The following DDX11 variants were observed in gnomAD, a reference collection of about 807,000 sequenced individuals.
DDX11 encodes DEAD/H-box helicase 11, also known as ATP-dependent DNA helicase DDX11.
DDX11 carries 72 observed loss-of-function variants against 125.2 expected under a neutral mutation model. That is an observed-to-expected ratio of 0.58 (90% CI 0.48 to 0.70). The LOEUF (loss-of-function observed/expected upper bound fraction) is 0.70, where lower values mean the gene tolerates loss of function less well. Ranked by LOEUF, DDX11 falls within the 30% of genes least tolerant of loss-of-function variation. The pLI is 0.00. For missense variants in DDX11, 883 were observed against 1,165.0 expected (o/e 0.76, Z 3.52); for synonymous variants, 347 against 452.6 (o/e 0.77, Z 2.96).
chr12:31,079,676 G>A (rs1367124084), intron 2 of DDX11, among the ~76,000 whole-genome samples: 2 of 151,908 alleles, frequency 1.3e-5, no homozygotes, highest in Non-Finnish European at 2.9e-5. Context: ...TTGTTAAGAT[G>A]GGCAGTCTCA....
intron 2 of DDX11, among the ~76,000 whole-genome samples, chr12:31,079,772 A>C (rs1416360627): frequency 6.6e-6 from 1 of 152,194 alleles, no homozygotes; most frequent in East Asian, 1.9e-4. Context: ...ATCCAAGATT[A>C]CTGGTGCACA....
In DDX11 at chr12:31,073,929, G is replaced by T. The variant is rs1017501928; in HGVS notation, c.-167G>T. The T allele has an allele frequency of 6.6e-6, 1 of 152,250 alleles. No individual in the cohort carries two copies. The highest frequency in any genetic ancestry group is 2.4e-5 in the African/African-American group (1 of 41,464). 9.4% of individuals were successfully genotyped at this position (152,250 alleles called of 1,614,324 possible). On this transcript the variant is annotated 5_prime_UTR_variant, in exon 1 of 27. Transcript: ENST00000542838. ...CTCAGTGGCGTTTGCCCTGATTCCC[G>T]GGGCCTGGCTTTCAGCGTAGCAATT... is the stretch of plus-strand genomic sequence containing the variant.
chr12:31,092,437 CTG>C (rs1047851176), intron 10 of DDX11, among the ~76,000 whole-genome samples: 1 of 152,144 alleles, frequency 6.6e-6, no homozygotes, highest in South Asian at 2.1e-4. Context: ...TGGTTTCTGA[CTG>C]TGAAAACCCC....
chr12:31,102,526 C>T lies in DDX11; in HGVS notation c.2371C>T (p.Arg791Trp), dbSNP rs759997809. ...EGINFSDNLG[R>W]CVVMVGMPFP... ...GATCAACTTCTCTGACAACCTAGGC[C>T]GGTAAGTAGTGGTTCTGCTCGTCTC... The change falls in exon 23 of 27, where the codon CGG (arginine) becomes TGG (tryptophan). Residue 791 changes from arginine (R) to tryptophan (W), a missense_variant and splice_region_variant. By Grantham distance (101) the Arg-to-Trp change is moderately radical. This residue lies in a region of DDX11 where 285 missense variants were observed against 346.0 expected (regional missense o/e 0.82). Transcript: ENST00000542838. The T allele has an allele frequency of 1.1e-5, 17 of 1,612,776 alleles. No homozygotes were observed. Among genetic ancestry groups the T allele is most frequent in the Admixed American group, 3.3e-5 (2 of 59,998 alleles).
chr12:31,098,649 C>T (rs1437850092), intron 18 of DDX11, among the ~76,000 whole-genome samples: 2 of 152,228 alleles, frequency 1.3e-5, no homozygotes, highest in Non-Finnish European at 2.9e-5. Flanking sequence ...TAGCGAAGGG[C>T]CTCCTGGACA....
At position 31,083,724 on chromosome 12, in the gene DDX11, C is replaced by T. The variant is rs528676537; in HGVS notation, c.145-89C>T. On this transcript the variant is annotated intron_variant, in intron 2 of 26. Coordinates refer to ENST00000542838, the MANE Select transcript of DDX11 (RefSeq NM_030653.4). ...CATCCTCTCCTATGTACAGCCAGAC[C>T]TTCTTTCAAGCTTTTATTAAAATGG... 7.2e-5 allele frequency: 108 copies of T among 1,496,492 alleles called. No individual in the cohort carries two copies. The African/African-American group carries it at 1.3e-3, about 18-fold the overall frequency. 92.7% of individuals were successfully genotyped at this position (1,496,492 alleles called of 1,614,324 possible). A position where few individuals can be genotyped will look rare whatever the true frequency, so the allele number is the denominator to read the frequency against.
intron 1 of DDX11, 100 bp from the exon 2 acceptor site, chr12:31,078,290 T>C: frequency 6.2e-7 from 1 of 1,610,722 alleles, no homozygotes; most frequent in Non-Finnish European, 8.5e-7. Context: ...AGAAATTTGG[T>C]AATAAGTGTG....
intron 9 of DDX11, among the ~76,000 whole-genome samples, chr12:31,090,360 GA>G (rs1425630463): frequency 6.7e-6 from 1 of 149,946 alleles, no homozygotes; most frequent in Non-Finnish European, 1.5e-5. Context: ...ACCACAGGGA[GA>G]GGGGGGATGC....
At chr12:31,098,479 A>G (rs1158811476) in intron 18 of DDX11, among the ~76,000 whole-genome samples, 20 of 152,368 alleles carry the variant, frequency 1.3e-4, no homozygotes, top group Non-Finnish European at 2.1e-4. Flanking sequence ...GCATGCACGT[A>G]TTTCAGTATC....
At chr12:31,090,644 A>G (rs1013703708) in intron 9 of DDX11, among the ~76,000 whole-genome samples, 1 of 152,264 alleles carries the variant, frequency 6.6e-6, no homozygotes, top group African/African-American at 2.4e-5. Context: ...GATCAAAAGT[A>G]GTATCTCACT....
At chr12:31,089,847 C>T in intron 8 of DDX11, 39 bp from the exon 9 acceptor site, 3 of 1,609,718 alleles carry the variant, frequency 1.9e-6, no homozygotes, top group South Asian at 2.2e-5. Flanking sequence ...CAGTTGCTGT[C>T]CTCTCTGTTT....
chr12:31,078,452 A>T lies in DDX11; in HGVS notation c.59A>T (p.Tyr20Phe), dbSNP rs1179356648. ...CATTTTCCTTTTCCCTTCACACCCT[A>T]TTCCATCCAGGAAGACTTCATGGCA... is the stretch of plus-strand genomic sequence containing the variant. ...AIHFPFPFTPYSIQEDFMAEL... is the reference protein window; with the variant it reads ...AIHFPFPFTPFSIQEDFMAEL... Residue 20 changes from tyrosine (Y) to phenylalanine (F), a missense_variant, in exon 2 of 27, where the codon TAT becomes TTT. Around this residue, in one of 5 missense-constraint regions of DDX11, gnomAD observed 283 missense variants for 359.6 expected, o/e 0.79. Transcript: ENST00000542838. 3.7e-6 allele frequency: 6 copies of T among 1,611,128 alleles called. No homozygotes were observed. Among genetic ancestry groups the T allele is most frequent in the Non-Finnish European group, 4.2e-6 (5 of 1,179,168 alleles).
intron 18 of DDX11, among the ~76,000 whole-genome samples, chr12:31,098,800 C>T (rs576097850): frequency 8.5e-5 from 13 of 152,294 alleles, no homozygotes; most frequent in African/African-American, 2.9e-4. Flanking sequence ...TTGTTTCTGA[C>T]GTTCACATTG....
At chr12:31,102,392 G>C in intron 22 of DDX11, 35 bp from the exon 23 acceptor site, 5 of 1,611,178 alleles carry the variant, frequency 3.1e-6, no homozygotes, top group Non-Finnish European at 4.2e-6. Context: ...TCCAAGTTTT[G>C]GCTCAGCAAC....
rs763612105 is a variant in DDX11, at chr12:31,099,084, C to CTTTTTTTTTTTTTTTTTTTTTTTTTT, written c.1875+1108_1875+1109insTTTTTTTTTTTTTTTTTTTTTTTTTT. On this transcript the variant is annotated intron_variant, in intron 18 of 26. Coordinates refer to ENST00000542838, the MANE Select transcript of DDX11 (RefSeq NM_030653.4). ...CATACTGGTATTTCTTTCTTTCTTT[C>CTTTTTTTTTTTTTTTTTTTTTTTTTT]TTTTTTTTTTTTTTTTTTTTTGAGA... Among the ~76,000 whole-genome samples the CTTTTTTTTTTTTTTTTTTTTTTTTTT allele has an allele frequency of 3.5e-4, 22 of 63,716 alleles. 1 individual carries two copies. Among genetic ancestry groups the CTTTTTTTTTTTTTTTTTTTTTTTTTT allele is most frequent in the African/African-American group, 8.7e-4 (11 of 12,698 alleles). 41.8% of individuals were successfully genotyped at this position (63,716 alleles called of 152,430 possible). A position where few individuals can be genotyped will look rare whatever the true frequency, so the allele number is the denominator to read the frequency against.
intron 2 of DDX11, among the ~76,000 whole-genome samples, chr12:31,080,026 C>T (rs79505830): frequency 0.41 from 41,228 of 99,880 alleles, 9,975 homozygotes; most frequent in East Asian, 0.75. Flanking sequence ...TCAGGGTATA[C>T]GTCCGTTTGG....
In DDX11 at chr12:31,073,991, A is replaced by G. The variant is rs1940324718; in HGVS notation, c.-105A>G. 6.6e-6 allele frequency: 1 copy of G among 151,914 alleles called. No homozygotes were observed. The highest frequency in any genetic ancestry group is 1.5e-5 in the Non-Finnish European group (1 of 68,158). 9.4% of individuals were successfully genotyped at this position (151,914 alleles called of 1,614,324 possible). A position where few individuals can be genotyped will look rare whatever the true frequency, so the allele number is the denominator to read the frequency against. On this transcript the variant is annotated 5_prime_UTR_variant, in exon 1 of 27. Coordinates refer to ENST00000542838, the MANE Select transcript of DDX11 (RefSeq NM_030653.4). ...GAAGGTGAGCGCAGTGCTGTGTGGC[A>G]GCAGAGCTCCTTAGGACGAGGAGCA...
At chr12:31,084,875 T>G (rs1565862379) in intron 4 of DDX11, 94 bp from the exon 5 acceptor site, 1 of 1,487,322 alleles carries the variant, frequency 6.7e-7, no homozygotes, top group Non-Finnish European at 9.2e-7. Flanking sequence ...CCTATGTGAA[T>G]GGGGCGTGGT....
chr12:31,086,011 C>T (rs1276798498), intron 5 of DDX11: 4 of 452,830 alleles, frequency 8.8e-6, no homozygotes, highest in East Asian at 7.0e-5. Flanking sequence ...CCGGCCTTCA[C>T]AGTCTGTCTG....
Sources: gnomAD v4.1 joint callset for allele counts (sites outside exome capture counted in the v4.1 genomes callset) on GRCh38, gnomAD v4.1.1 for gene constraint, gnomAD v4.1.1 regional missense constraint, MANE v1.5 for transcripts, NCBI Gene and HGNC (gene_info 2026-07-23, HGNC 2026-07-21) for gene names.